The following PKD1L1 variants were observed in gnomAD, a reference collection of about 807,000 sequenced individuals.
PKD1L1 encodes the protein polycystin 1 like 1, transient receptor potential channel interacting.
In PKD1L1, 236 loss-of-function variants were observed where a neutral mutation model predicts 323.4. The observed-to-expected ratio is 0.73, with a 90% CI of 0.66 to 0.81. The LOEUF (loss-of-function observed/expected upper bound fraction) is 0.81. Among genes scored for constraint, PKD1L1 ranks in the 40% least tolerant of loss-of-function variants. The pLI is 0.00. For missense variants in PKD1L1, 3,320 were observed against 3,508.0 expected (o/e 0.95, Z 1.35); for synonymous variants, 1,344 against 1,335.0 (o/e 1.01, Z -0.15).
Position 47,905,168 on chromosome 7 carries a change from G to A in PKD1L1, c.1680C>T (p.Ser560=), listed in dbSNP as rs1038199379. The change falls in exon 11 of 57, where the codon AGC becomes AGT. Residue 560 remains serine, a synonymous_variant. Coordinates refer to ENST00000289672, the MANE Select transcript of PKD1L1 (RefSeq NM_138295.5). ...CTACTTTTACTGACCATTGGGGGAT[G>A]CTGAGTCTTTTTTTAATGCTTCTTG... ...TTSRSIKKRL[S]IPQWYRVMVK... 1 of 1,613,804 alleles carries A rather than the reference G, an allele frequency of 6.2e-7. No individual in the cohort carries two copies. The highest frequency in any genetic ancestry group is 8.5e-7 in the Non-Finnish European group (1 of 1,179,892).
At chr7:47,937,421 G>A (rs1787892936) in intron 3 of PKD1L1, among the ~76,000 whole-genome samples, 1 of 152,224 alleles carries the variant, frequency 6.6e-6, no homozygotes, top group South Asian at 2.1e-4. Flanking sequence ...TGGGGCTGCA[G>A]CCACAAGTGG....
intron 46 of PKD1L1, among the ~76,000 whole-genome samples, chr7:47,817,764 G>T (rs928913677): frequency 6.6e-6 from 1 of 152,006 alleles, no homozygotes; most frequent in Non-Finnish European, 1.5e-5. Context: ...CAGCTACTTG[G>T]GGGGCTGAGG....
At chr7:47,810,998 T>C (rs1784880435) in intron 50 of PKD1L1, among the ~76,000 whole-genome samples, 1 of 152,164 alleles carries the variant, frequency 6.6e-6, no homozygotes, top group East Asian at 1.9e-4. Flanking sequence ...TCTCTTGCTC[T>C]CTTTCCCTGT....
At chr7:47,846,831 G>A (rs753162641) in intron 32 of PKD1L1, 48 bp downstream of exon 32, 30 of 1,534,822 alleles carry the variant, frequency 2.0e-5, no homozygotes, top group South Asian at 7.7e-5. Flanking sequence ...AGAAGACAAG[G>A]CAGTCATTTA....
At chr7:47,866,923 C>T (rs992579921) in intron 24 of PKD1L1, among the ~76,000 whole-genome samples, 12 of 152,306 alleles carry the variant, frequency 7.9e-5, no homozygotes, top group East Asian at 1.9e-4. Flanking sequence ...GATACCACCA[C>T]GCTACAGCTG....
chr7:47,848,652 A>G (rs1785715736), intron 31 of PKD1L1, among the ~76,000 whole-genome samples: 1 of 152,118 alleles, frequency 6.6e-6, no homozygotes, highest in Non-Finnish European at 1.5e-5. Flanking sequence ...CTAAAAATAC[A>G]AAATTAGCCG....
chr7:47,857,021 G>C (rs1265300767), intron 28 of PKD1L1, among the ~76,000 whole-genome samples: 2 of 152,282 alleles, frequency 1.3e-5, no homozygotes, highest in Non-Finnish European at 2.9e-5. Flanking sequence ...AAGTGGCTGG[G>C]ACAATCCTCC....
Position 47,885,866 on chromosome 7 carries a change from G to T in PKD1L1, c.3025C>A (p.Pro1009Thr). The stretch of plus-strand genomic sequence containing the variant: ...TAGACTCCAGTCATGGGCTCTGTGG[G>T]GGTTCCCCTTGGAGCTGAAGTGGCA... ...QPATSAPRGT[P>T]TEPMTGVYWI... is the part of the protein sequence containing the mutation. Residue 1009 changes from proline (P) to threonine (T), a missense_variant, in exon 18 of 57, where the codon CCC becomes ACC. By Grantham distance (38) the Pro-to-Thr change is conservative (BLOSUM62 -1). Coordinates refer to ENST00000289672, the MANE Select transcript of PKD1L1 (RefSeq NM_138295.5). The T allele has an allele frequency of 6.2e-7, 1 of 1,614,180 alleles. No individual in the cohort carries two copies. The highest frequency in any genetic ancestry group is 8.5e-7 in the Non-Finnish European group (1 of 1,180,030).
rs1189413879 is a variant in PKD1L1 at position 47,829,823 on chromosome 7, G to A, written c.6558+217C>T. Among the ~76,000 whole-genome samples the A allele has an allele frequency of 4.6e-5, 7 of 152,144 alleles. No homozygotes were observed. The East Asian group carries it at 7.7e-4, about 17-fold the overall frequency. On this transcript the variant is annotated intron_variant, in intron 43 of 56. Transcript: ENST00000289672. Reference sequence around the variant, plus strand: ...TCAATTTCCTCAAATAAAAAACGTGGGTTAAAGTGGTACCCTCCTCAAAGA... The same window carrying A: ...TCAATTTCCTCAAATAAAAAACGTGAGTTAAAGTGGTACCCTCCTCAAAGA...
intron 23 of PKD1L1, among the ~76,000 whole-genome samples, chr7:47,875,391 A>G (rs1786381817): frequency 6.6e-6 from 1 of 152,216 alleles, no homozygotes; most frequent in African/African-American, 2.4e-5. Context: ...TTACCAGTCC[A>G]AATTAAAGAA....
At chr7:47,837,218 G>A (rs1785478723) in intron 36 of PKD1L1, 124 bp from the exon 37 acceptor site, 1 of 1,091,304 alleles carries the variant, frequency 9.2e-7, no homozygotes, top group Non-Finnish European at 1.3e-6. Flanking sequence ...CATCCTAGCT[G>A]CTTAGCTGTG....
chr7:47,878,942 A>G (rs1786469116), intron 21 of PKD1L1, among the ~76,000 whole-genome samples: 1 of 152,238 alleles, frequency 6.6e-6, no homozygotes, highest in Non-Finnish European at 1.5e-5. Flanking sequence ...TGTCTCCTGC[A>G]CCATTAAGGA....
Position 47,839,418 on chromosome 7 carries a change from C to A in PKD1L1, c.5769+28G>T. The A allele has an allele frequency of 6.4e-7, 1 of 1,573,574 alleles. No homozygotes were observed. Among genetic ancestry groups the A allele is most frequent in the South Asian group, 1.2e-5 (1 of 86,584 alleles). On this transcript the variant is annotated intron_variant, in intron 36 of 56. Coordinates refer to ENST00000289672, the MANE Select transcript of PKD1L1 (RefSeq NM_138295.5). The surrounding 1 kb of genome is among the most constrained non-coding windows in gnomAD (Gnocchi z 4.3). ...TGCTCTGCCGGTCAGCCAGGTGCGC[C>A]ACGAGAGGCCACCTGGAGGGAGCCT...
At position 47,904,377 on chromosome 7, in the gene PKD1L1, C is replaced by T. The variant is rs773010463; in HGVS notation, c.1931+1G>A. ...CACTCCGCCGCCTTGCAGTGGCTCA[C>T]CTACTGTAGACATGGCTGCTGGAGC... On this transcript the variant is annotated splice_donor_variant, in intron 12 of 56. Transcript: ENST00000289672. LOFTEE classifies it high-confidence loss of function. The T allele has an allele frequency of 2.5e-6, 4 of 1,613,922 alleles. No individual in the cohort carries two copies. Among genetic ancestry groups the T allele is most frequent in the Non-Finnish European group, 3.4e-6 (4 of 1,179,992 alleles).
rs370635297 is a variant in PKD1L1 at position 47,924,168 on chromosome 7, T to C, written c.1060+5036A>G. On this transcript the variant is annotated intron_variant, in intron 7 of 56. Coordinates refer to ENST00000289672, the MANE Select transcript of PKD1L1 (RefSeq NM_138295.5). ...CTGAGCAAGGAGAACAGGGAGAAAG[T>C]TCTCAAACCTGTCTCCCCCAGAATT... Among the ~76,000 whole-genome samples, 11 of 152,270 alleles carry C rather than the reference T, an allele frequency of 7.2e-5. No individual in the cohort carries two copies. The South Asian group carries it at 1.9e-3, about 26-fold the overall frequency.
chr7:47,781,833 G>A (rs1040644642), intron 56 of PKD1L1, among the ~76,000 whole-genome samples: 6 of 151,948 alleles, frequency 3.9e-5, no homozygotes, highest in African/African-American at 1.5e-4. Flanking sequence ...AATTATTTTT[G>A]TATATGGTAT....
At chr7:47,796,220 T>A (rs1438525318) in intron 54 of PKD1L1, 70 bp from the exon 55 acceptor site, 3 of 1,266,784 alleles carry the variant, frequency 2.4e-6, no homozygotes, top group South Asian at 2.9e-5. Flanking sequence ...GTTAACGTGA[T>A]AAACTATGCA....
intron 33 of PKD1L1, among the ~76,000 whole-genome samples, chr7:47,844,666 T>C (rs1785628712): frequency 6.6e-6 from 1 of 152,210 alleles, no homozygotes. Flanking sequence ...TTAGGTATTA[T>C]TGTCACTGTA....
At chr7:47,793,200 T>C (rs1786994256) in intron 55 of PKD1L1, among the ~76,000 whole-genome samples, 1 of 152,062 alleles carries the variant, frequency 6.6e-6, no homozygotes, top group South Asian at 2.1e-4. Context: ...TGACAGAGAA[T>C]AAAGCCCTAT....
Sources: allele counts gnomAD v4.1 joint callset (sites outside exome capture counted in the v4.1 genomes callset), GRCh38; gene constraint gnomAD v4.1.1; non-coding constraint Gnocchi (gnomAD v3.1); transcripts MANE v1.5; gene names NCBI Gene and HGNC (gene_info 2026-07-23, HGNC 2026-07-21).